The following PLCG2 variants were observed in gnomAD, a reference collection of about 807,000 sequenced individuals.
PLCG2 encodes 1-phosphatidylinositol 4,5-bisphosphate phosphodiesterase gamma-2.
A neutral mutation model predicts 175.6 loss-of-function variants in PLCG2; 69 were observed. The observed-to-expected ratio is 0.39, with a 90% confidence interval of 0.32 to 0.48. The LOEUF (loss-of-function observed/expected upper bound fraction) is 0.48, where lower values mean the gene tolerates loss of function less well. Among genes scored for constraint, PLCG2 ranks in the 20% least tolerant of loss-of-function variants. The pLI, the probability that PLCG2 is intolerant of heterozygous loss-of-function variation, is 0.91. For synonymous variants in PLCG2, 827 were observed against 624.0 expected (o/e 1.33, Z -4.85); for missense variants, 1,798 against 1,650.9 (o/e 1.09, Z -1.54).
chr16:81,809,986 C>T lies in PLCG2; in HGVS notation c.193+23804C>T, dbSNP rs1027472130. On this transcript the variant is annotated intron_variant, in intron 2 of 32. Coordinates refer to ENST00000564138, the MANE Select transcript of PLCG2 (RefSeq NM_002661.5). ...CCAGTCTTTGTCTGCCACCATGGTT[C>T]TCTCCTTTTTTTTTTCTTTTTTTTG... Among the ~76,000 whole-genome samples the T allele has an allele frequency of 3.3e-5, 5 of 151,724 alleles. No homozygotes were observed. The East Asian group carries it at 9.6e-4, about 29-fold the overall frequency.
At chr16:81,868,502 G>A (rs1276426944) in intron 5 of PLCG2, among the ~76,000 whole-genome samples, 1 of 152,206 alleles carries the variant, frequency 6.6e-6, no homozygotes, top group African/African-American at 2.4e-5. Context: ...CCGTCCTGTG[G>A]TTTTGGTTCC....
At chr16:81,892,647 A>G (rs968017154) in intron 11 of PLCG2, among the ~76,000 whole-genome samples, 3 of 130,278 alleles carry the variant, frequency 2.3e-5, no homozygotes, top group Admixed American at 9.4e-5. Context: ...TAAGAAATAC[A>G]AACTTAAAAA....
At chr16:81,739,421 G>A (rs12446781) in intron 1 of PLCG2, 1 of 151,794 alleles carries the variant, frequency 6.6e-6, no homozygotes, top group African/African-American at 2.4e-5. Flanking sequence ...GGCATTTTCC[G>A]CTCGAGTGGA....
chr16:81,839,593 A>G (rs563482306), intron 2 of PLCG2, among the ~76,000 whole-genome samples: 12 of 152,332 alleles, frequency 7.9e-5, no homozygotes, highest in Middle Eastern at 3.4e-3. Context: ...ACTTAATTTT[A>G]TATAGAAAAG....
chr16:81,805,478 A>G (rs148042803), intron 2 of PLCG2, among the ~76,000 whole-genome samples: 1,504 of 149,308 alleles, frequency 0.01, 31 homozygotes, highest in African/African-American at 0.036. Context: ...CAGCCTGGGT[A>G]ACAGAGCGAG....
chr16:81,826,123 T>G (rs1275800172), intron 2 of PLCG2, among the ~76,000 whole-genome samples: 1 of 152,146 alleles, frequency 6.6e-6, no homozygotes, highest in African/African-American at 2.4e-5. Flanking sequence ...CCTCCAGTTT[T>G]CCCCATTGTG....
intron 2 of PLCG2, among the ~76,000 whole-genome samples, chr16:81,797,974 G>T (rs1010987257): frequency 6.6e-6 from 1 of 152,010 alleles, no homozygotes; most frequent in African/African-American, 2.4e-5. Context: ...GGGATTACAG[G>T]TACCCTCCAC....
At chr16:81,823,759 G>T (rs1366356743) in intron 2 of PLCG2, among the ~76,000 whole-genome samples, 1 of 150,700 alleles carries the variant, frequency 6.6e-6, no homozygotes, top group Non-Finnish European at 1.5e-5. Flanking sequence ...TGAATTCCTG[G>T]CCTCAAGCAA....
chr16:81,869,142 T>C lies in PLCG2; in HGVS notation c.480-72T>C, dbSNP rs1907389063. ...ATAGAGGGCTGCCTGAGGTGGGAAC[T>C]GATGGGAGCAGCTAAATCCTGTGCT... On this transcript the variant is annotated intron_variant, in intron 5 of 32. Coordinates refer to ENST00000564138, the MANE Select transcript of PLCG2 (RefSeq NM_002661.5). The C allele has an allele frequency of 2.7e-6, 3 of 1,129,836 alleles. No homozygotes were observed. In the South Asian group the frequency reaches 3.7e-5, roughly 14 times the overall value. The allele number at this position is 1,129,836 out of a possible 1,614,324, so 70.0% of individuals were successfully genotyped here. A position where few individuals can be genotyped will look rare whatever the true frequency, so the allele number is the denominator to read the frequency against.
intron 7 of PLCG2, among the ~76,000 whole-genome samples, chr16:81,871,422 T>C (rs1657679289): frequency 6.6e-6 from 1 of 152,202 alleles, no homozygotes; most frequent in African/African-American, 2.4e-5. Flanking sequence ...CACTGCAACC[T>C]TTGCCTCCCG....
At chr16:81,893,005 C>CAGTTTTGTTT (rs1195026511) in intron 11 of PLCG2, among the ~76,000 whole-genome samples, 4 of 151,542 alleles carry the variant, frequency 2.6e-5, no homozygotes, top group African/African-American at 9.7e-5. Flanking sequence ...CCACCATGCC[C>CAGTTTTGTTT]TGTTTTGTTT....
intron 20 of PLCG2, among the ~76,000 whole-genome samples, chr16:81,920,138 T>A (rs1215071588): frequency 6.6e-6 from 1 of 152,138 alleles, no homozygotes; most frequent in Non-Finnish European, 1.5e-5. Context: ...GGGGTAGAGC[T>A]AAATAAGGAT....
At chr16:81,847,238 A>G (rs1007382794) in intron 2 of PLCG2, among the ~76,000 whole-genome samples, 2 of 152,252 alleles carry the variant, frequency 1.3e-5, no homozygotes, top group African/African-American at 4.8e-5. Flanking sequence ...AGAGATGCAT[A>G]GGGCATAGGG....
chr16:81,956,548 A>C (rs1911576568), intron 31 of PLCG2, 147 bp from the exon 32 acceptor site: 3 of 571,442 alleles, frequency 5.2e-6, no homozygotes, highest in Non-Finnish European at 9.2e-6. Context: ...TCTTTGGTTA[A>C]AATAGGCCCT....
chr16:81,901,786 G>C (rs1412528305), intron 14 of PLCG2, among the ~76,000 whole-genome samples: 1 of 152,168 alleles, frequency 6.6e-6, no homozygotes, highest in African/African-American at 2.4e-5. Flanking sequence ...GAGGTTATTA[G>C]GTCTGCCTCT....
At chr16:81,940,460 G>C (rs776168662) in intron 30 of PLCG2, among the ~76,000 whole-genome samples, 3 of 145,994 alleles carry the variant, frequency 2.1e-5, no homozygotes, top group East Asian at 3.9e-4. Flanking sequence ...GGCATCTTGG[G>C]GGGGGAGTAA....
At chr16:81,770,476 G>C (rs192611924) in intron 2 of PLCG2, among the ~76,000 whole-genome samples, 34 of 152,322 alleles carry the variant, frequency 2.2e-4, no homozygotes, top group African/African-American at 6.7e-4. Context: ...CCTTTGGGAG[G>C]CTTAGGTGGG....
At chr16:81,748,403 T>TAA (rs548067252) in intron 1 of PLCG2, among the ~76,000 whole-genome samples, 191 of 139,382 alleles carry the variant, frequency 1.4e-3, no homozygotes, top group Non-Finnish European at 2.5e-3. Flanking sequence ...CTTAAAAAAT[T>TAA]AAAAAAAAAA....
chr16:81,860,173 T>TTATTATTAA (rs56260145), intron 5 of PLCG2, among the ~76,000 whole-genome samples: 11 of 81,516 alleles, frequency 1.3e-4, no homozygotes, highest in Admixed American at 8.9e-4. Flanking sequence ...ATTATTATTA[T>TTATTATTAA]TTTTTTTTTT....
Sources: gnomAD v4.1 joint callset for allele counts (sites outside exome capture counted in the v4.1 genomes callset) on GRCh38, gnomAD v4.1.1 for gene constraint, MANE v1.5 for transcripts, NCBI Gene and HGNC (gene_info 2026-07-23, HGNC 2026-07-21) for gene names.